The following STXBP5L variants were observed in gnomAD, a reference collection of about 807,000 sequenced individuals.
The protein encoded by STXBP5L is syntaxin-binding protein 5-like.
Under a neutral mutation model 144.5 loss-of-function variants are expected in STXBP5L, and 65 were observed. The ratio of observed to expected loss-of-function variants is 0.45; its 90% CI spans 0.37 to 0.55. STXBP5L has a LOEUF of 0.55. Ranked by LOEUF, STXBP5L falls within the 20% of genes least tolerant of loss-of-function variation. The probability of loss-of-function intolerance (pLI) is 0.00; values close to 1 mark genes in which losing one functional copy is unlikely to be tolerated. For synonymous variants in STXBP5L, 505 were observed against 469.6 expected, an observed-to-expected ratio of 1.08 and a Z score of -0.97; for missense variants, 1,298 against 1,405.5, an observed-to-expected ratio of 0.92 and a Z score of 1.22.
intron 3 of STXBP5L, among the ~76,000 whole-genome samples, chr3:121,037,241 TTCTG>T (rs1264528226): frequency 2.0e-5 from 3 of 151,746 alleles, no homozygotes; most frequent in Non-Finnish European, 4.4e-5. Flanking sequence ...TTTTTTTTTT[TTCTG>T]TCTTTTTCTT....
chr3:121,304,255 A>G (rs1275823129), intron 19 of STXBP5L, among the ~76,000 whole-genome samples: 2 of 152,178 alleles, frequency 1.3e-5, no homozygotes, highest in Non-Finnish European at 2.9e-5. Context: ...AACTGTCAAA[A>G]CTAGAAATAG....
intron 19 of STXBP5L, among the ~76,000 whole-genome samples, chr3:121,305,820 C>T (rs967534836): frequency 1.3e-5 from 2 of 151,774 alleles, no homozygotes; most frequent in Admixed American, 6.6e-5. Context: ...AAATTATATG[C>T]CTAAAGATTA....
At chr3:121,364,458 T>C (rs1186946624) in intron 20 of STXBP5L, among the ~76,000 whole-genome samples, 1 of 151,254 alleles carries the variant, frequency 6.6e-6, no homozygotes, top group African/African-American at 2.4e-5. Flanking sequence ...CAGATGAAGT[T>C]AAGGATGTGT....
At chr3:121,184,218 A>G (rs2047276251) in intron 9 of STXBP5L, among the ~76,000 whole-genome samples, 1 of 152,074 alleles carries the variant, frequency 6.6e-6, no homozygotes, top group African/African-American at 2.4e-5. Context: ...AATGAGTTTG[A>G]TGAACCGACA....
At chr3:121,174,595 A>T (rs2046860233) in intron 9 of STXBP5L, among the ~76,000 whole-genome samples, 3 of 152,130 alleles carry the variant, frequency 2.0e-5, no homozygotes, top group Admixed American at 2.0e-4. Flanking sequence ...ACACCCTTGG[A>T]GGCCACTAAA....
intron 7 of STXBP5L, among the ~76,000 whole-genome samples, chr3:121,130,766 T>C (rs2044946619): frequency 6.6e-6 from 1 of 152,120 alleles, no homozygotes; most frequent in Non-Finnish European, 1.5e-5. Flanking sequence ...AAAATTTTCT[T>C]CCACTTGAAA....
At chr3:121,376,835 C>T (rs754123242) in intron 20 of STXBP5L, among the ~76,000 whole-genome samples, 10 of 152,070 alleles carry the variant, frequency 6.6e-5, no homozygotes, top group African/African-American at 2.2e-4. Flanking sequence ...GCCATTTTCA[C>T]GATATTGATT....
chr3:121,124,511 T>A (rs969572449), intron 7 of STXBP5L, among the ~76,000 whole-genome samples: 4 of 152,020 alleles, frequency 2.6e-5, no homozygotes, highest in Admixed American at 1.3e-4. Context: ...TTGTGCTAGC[T>A]CAATTCGATA....
chr3:121,036,965 C>T (rs1244572844), intron 3 of STXBP5L, among the ~76,000 whole-genome samples: 2 of 151,788 alleles, frequency 1.3e-5, no homozygotes, highest in African/African-American at 2.4e-5. Flanking sequence ...CTTTCTCTGT[C>T]ACCCAGGCTT....
chr3:120,973,028 T>C (rs550009647), intron 3 of STXBP5L, among the ~76,000 whole-genome samples: 1 of 152,208 alleles, frequency 6.6e-6, no homozygotes, highest in East Asian at 1.9e-4. Context: ...TGATCTATAG[T>C]TTTCCTTTTT....
At chr3:121,187,191 C>A (rs2047421589) in intron 9 of STXBP5L, among the ~76,000 whole-genome samples, 1 of 152,088 alleles carries the variant, frequency 6.6e-6, no homozygotes. Context: ...GAAAATGTGG[C>A]ACATGTACAC....
intron 22 of STXBP5L, among the ~76,000 whole-genome samples, chr3:121,399,143 A>T (rs1427291572): frequency 6.6e-6 from 1 of 152,076 alleles, no homozygotes; most frequent in East Asian, 1.9e-4. Flanking sequence ...GTACTTCATT[A>T]TACTCTCCTT....
chr3:121,381,642 G>A, intron 22 of STXBP5L, 110 bp downstream of exon 22: 1 of 1,381,894 alleles, frequency 7.2e-7, no homozygotes, highest in Non-Finnish European at 9.8e-7. Context: ...TAAGTATTCT[G>A]CACAATGGGA....
intron 10 of STXBP5L, among the ~76,000 whole-genome samples, chr3:121,217,028 C>A (rs550386888): frequency 6.6e-6 from 1 of 152,112 alleles, no homozygotes; most frequent in African/African-American, 2.4e-5. Context: ...TGACGCCCCT[C>A]CCCCAACCAA....
rs569393053 is a variant in STXBP5L at position 121,181,169 on chromosome 3, G to A, written c.877+23542G>A. Among the ~76,000 whole-genome samples, 21 of 150,460 alleles carry A rather than the reference G, an allele frequency of 1.4e-4. No homozygotes were observed. In the South Asian group the frequency reaches 1.9e-3, roughly 14 times the overall value. On this transcript the variant is annotated intron_variant, in intron 9 of 26. Transcript: ENST00000471454. ...GAGGAGAAAAGAGGGGAGGGGGAGG[G>A]GAGGGGAGAGGAGAGGAGGGAACAG...
At chr3:121,288,650 G>C (rs1157314194) in intron 19 of STXBP5L, among the ~76,000 whole-genome samples, 1 of 152,080 alleles carries the variant, frequency 6.6e-6, no homozygotes, top group Non-Finnish European at 1.5e-5. Context: ...CTTTAGAAAG[G>C]TGTCTATTTA....
Position 121,233,552 on chromosome 3 carries a change from C to T in STXBP5L, c.1112-64C>T, listed in dbSNP as rs1169172061. ...TATTTGTATAGGGATAAAGGAAATG[C>T]AATTTTGCTGATTTTATAGTATATA... On this transcript the variant is annotated intron_variant, in intron 11 of 26. Coordinates refer to ENST00000471454, the MANE Select transcript of STXBP5L (RefSeq NM_001308330.2). 4.9e-6 allele frequency: 6 copies of T among 1,228,154 alleles called. No individual in the cohort carries two copies. The Admixed American group carries it at 9.3e-5, about 19-fold the overall frequency. 76.1% of individuals were successfully genotyped at this position (1,228,154 alleles called of 1,614,324 possible). A position where few individuals can be genotyped will look rare whatever the true frequency, so the allele number is the denominator to read the frequency against.
At chr3:121,180,417 A>G (rs2047095004) in intron 9 of STXBP5L, among the ~76,000 whole-genome samples, 1 of 152,240 alleles carries the variant, frequency 6.6e-6, no homozygotes, top group Non-Finnish European at 1.5e-5. Flanking sequence ...CACCAGCAGT[A>G]CTGGAAATGC....
chr3:121,269,038 G>A (rs1051259976), intron 18 of STXBP5L, among the ~76,000 whole-genome samples: 4 of 151,872 alleles, frequency 2.6e-5, no homozygotes, highest in Non-Finnish European at 5.9e-5. Context: ...TGACCATGAG[G>A]GCCTCAGTCT....
Sources: gnomAD v4.1 joint callset for allele counts (sites outside exome capture counted in the v4.1 genomes callset) on GRCh38, gnomAD v4.1.1 for gene constraint, MANE v1.5 for transcripts, NCBI Gene and HGNC (gene_info 2026-07-23, HGNC 2026-07-21) for gene names.